Variants in NPAS3 observed in about 807,000 individuals in gnomAD.
The protein encoded by NPAS3 is neuronal PAS domain protein 3.
A neutral mutation model predicts 73.1 loss-of-function variants in NPAS3; 14 were observed. The ratio of observed to expected loss-of-function variants is 0.19; its 90% confidence interval spans 0.13 to 0.30. NPAS3 has a LOEUF of 0.30. NPAS3 is among the 10% of genes least tolerant of loss of function. The probability of loss-of-function intolerance (pLI) is 1.00; values close to 1 mark genes in which losing one functional copy is unlikely to be tolerated. For missense variants in NPAS3, 1,096 were observed against 1,250.0 expected (o/e 0.88, Z 1.86); for synonymous variants, 620 against 541.5 (o/e 1.14, Z -2.01).
upstream of NPAS3, among the ~76,000 whole-genome samples, chr14:32,937,208 G>T (rs2035723542): frequency 6.6e-6 from 1 of 152,134 alleles, no homozygotes; most frequent in Non-Finnish European, 1.5e-5. Flanking sequence ...ACCTCAACAG[G>T]ATTGTGGGGT....
At chr14:33,168,929 A>T (rs2045279079) in intron 2 of NPAS3, among the ~76,000 whole-genome samples, 1 of 152,212 alleles carries the variant, frequency 6.6e-6, no homozygotes, top group African/African-American at 2.4e-5. Flanking sequence ...TTGAAGATAC[A>T]TTGTAATATG....
chr14:33,498,312 T>A (rs528495156), intron 4 of NPAS3, among the ~76,000 whole-genome samples: 3 of 152,228 alleles, frequency 2.0e-5, no homozygotes, highest in Admixed American at 2.0e-4. Flanking sequence ...GAACCAGAAA[T>A]ACAATTTGAG....
At chr14:33,035,703 G>C (rs1486934613) in intron 1 of NPAS3, among the ~76,000 whole-genome samples, 1 of 152,200 alleles carries the variant, frequency 6.6e-6, no homozygotes, top group Non-Finnish European at 1.5e-5. Context: ...TTTTGGAACT[G>C]TCTAGTCTAC....
chr14:33,068,693 A>T (rs1332452108), intron 2 of NPAS3, among the ~76,000 whole-genome samples: 1 of 152,210 alleles, frequency 6.6e-6, no homozygotes, highest in African/African-American at 2.4e-5. Context: ...GAAGTGAGTC[A>T]TTGTGGTTAT....
Position 33,004,817 on chromosome 14 carries a change from CTTTTT to C in NPAS3, c.51-51073_51-51069del. On this transcript the variant is annotated intron_variant, in intron 1 of 11. Coordinates refer to ENST00000356141, the Ensembl canonical transcript of NPAS3. ...CTTTTTTCTATTGTAAAAAGTTTTC[CTTTTT>C]TTTTTTTTTTTTTTAGTTTTAAAAC... 5.2e-4 allele frequency among the ~76,000 whole-genome samples: 33 copies of C among 64,008 alleles called. 1 individual carries two copies. Among genetic ancestry groups the C allele is most frequent in the African/African-American group, 1.2e-3 (27 of 22,516 alleles). The allele number at this position is 64,008 out of a possible 152,430, so 42.0% of individuals were successfully genotyped here.
intron 1 of NPAS3, among the ~76,000 whole-genome samples, chr14:33,019,796 A>T (rs1327875526): frequency 6.6e-6 from 1 of 152,234 alleles, no homozygotes; most frequent in Non-Finnish European, 1.5e-5. Flanking sequence ...ATCAGTTAGA[A>T]GGGACAGATT....
intron 2 of NPAS3, among the ~76,000 whole-genome samples, chr14:33,109,787 C>T: frequency 6.8e-6 from 1 of 147,196 alleles, no homozygotes; most frequent in African/African-American, 2.5e-5. Context: ...ATACACGTTA[C>T]CTCTTATCTG....
At chr14:33,702,296 G>T (rs1474034781) in intron 6 of NPAS3, among the ~76,000 whole-genome samples, 1 of 152,212 alleles carries the variant, frequency 6.6e-6, no homozygotes, top group Non-Finnish European at 1.5e-5. Context: ...AATGCAATTG[G>T]TGGGAGAGTG....
At chr14:33,653,949 T>C (rs1044398768) in intron 5 of NPAS3, among the ~76,000 whole-genome samples, 3 of 152,196 alleles carry the variant, frequency 2.0e-5, no homozygotes, top group Non-Finnish European at 2.9e-5. Flanking sequence ...CTGATTTCTG[T>C]GGTTTGTTCA....
At position 33,394,854 on chromosome 14, in the gene NPAS3, G is replaced by A. The variant is rs796701644; in HGVS notation, c.468+27586G>A. On this transcript the variant is annotated intron_variant, in intron 4 of 11. Transcript: ENST00000356141. ...GCATATTGTTTTTTATCTTTACCCA[G>A]ATGCTTAACATATATTCCAAAGCCC... Among the ~76,000 whole-genome samples the A allele has an allele frequency of 9.9e-5, 15 of 152,212 alleles. 1 individual carries two copies. The highest frequency in any genetic ancestry group is 3.6e-4 in the African/African-American group (15 of 41,556).
At chr14:33,371,630 T>A (rs998332094) in intron 4 of NPAS3, among the ~76,000 whole-genome samples, 1 of 152,206 alleles carries the variant, frequency 6.6e-6, no homozygotes, top group African/African-American at 2.4e-5. Flanking sequence ...ATTTTCCTGC[T>A]ATTGAGTATT....
At chr14:33,493,641 G>A (rs997147070) in intron 4 of NPAS3, among the ~76,000 whole-genome samples, 7 of 152,104 alleles carry the variant, frequency 4.6e-5, no homozygotes, top group African/African-American at 1.7e-4. Flanking sequence ...TTATCTAGCT[G>A]AAAATAGAGG....
intron 6 of NPAS3, among the ~76,000 whole-genome samples, chr14:33,714,191 G>A (rs759979504): frequency 6.6e-6 from 1 of 151,778 alleles, no homozygotes; most frequent in African/African-American, 2.4e-5. Flanking sequence ...CTCTCCCTCA[G>A]CATTTCATAT....
chr14:33,393,129 G>T (rs1223919575), intron 4 of NPAS3, among the ~76,000 whole-genome samples: 2 of 152,052 alleles, frequency 1.3e-5, no homozygotes, highest in African/African-American at 4.8e-5. Context: ...ACAACATTTT[G>T]TACCTGTTGA....
In NPAS3 at chr14:33,453,564, T is replaced by C. The variant is rs541365864; in HGVS notation, c.468+86296T>C. On this transcript the variant is annotated intron_variant, in intron 4 of 11. Coordinates refer to ENST00000356141, the Ensembl canonical transcript of NPAS3. ...TTCCTGATAATGATGATCAGTCTTT[T>C]AGACAGACAGCGTATTCTGGATTTG... 3.3e-5 allele frequency among the ~76,000 whole-genome samples: 5 copies of C among 152,300 alleles called. No individual in the cohort carries two copies. In the South Asian group the frequency reaches 8.3e-4, roughly 25 times the overall value.
chr14:33,251,944 A>G lies in NPAS3; in HGVS notation c.385+36518A>G, dbSNP rs2048598136. Among the ~76,000 whole-genome samples the G allele has an allele frequency of 2.0e-5, 3 of 151,930 alleles. No homozygotes were observed. The South Asian group carries it at 6.2e-4, about 32-fold the overall frequency. On this transcript the variant is annotated intron_variant, in intron 3 of 11. Coordinates refer to ENST00000356141, the Ensembl canonical transcript of NPAS3. ...GACCTTGGTGTTGAAGCACGTTGCA[A>G]TTCGTTGTCTACGTTTACTTCTTTA...
intron 5 of NPAS3, among the ~76,000 whole-genome samples, chr14:33,579,079 T>C (rs1167509421): frequency 2.0e-5 from 3 of 152,344 alleles, no homozygotes; most frequent in African/African-American, 7.2e-5. Context: ...ACATGGTTTC[T>C]CAATACTCTC....
chr14:33,006,942 G>A (rs1396122516), intron 1 of NPAS3, among the ~76,000 whole-genome samples: 1 of 152,130 alleles, frequency 6.6e-6, no homozygotes, highest in East Asian at 1.9e-4. Flanking sequence ...TTTTAAATAA[G>A]TGGTAGAATC....
intron 4 of NPAS3, among the ~76,000 whole-genome samples, chr14:33,479,169 C>T (rs1380937033): frequency 6.6e-6 from 1 of 152,202 alleles, no homozygotes; most frequent in Non-Finnish European, 1.5e-5. Context: ...TAAGGTACCT[C>T]AGCTATTTCA....
Sources: allele counts gnomAD v4.1 joint callset (sites outside exome capture counted in the v4.1 genomes callset), GRCh38; gene constraint gnomAD v4.1.1; transcripts MANE v1.5; gene names NCBI Gene and HGNC (gene_info 2026-07-23, HGNC 2026-07-21).